Variants in SCHIP1 observed in about 807,000 individuals in gnomAD.
SCHIP1 encodes schwannomin-interacting protein 1.
A neutral mutation model predicts 29.7 loss-of-function variants in SCHIP1; 8 were observed. That is an observed-to-expected ratio of 0.27 (90% CI 0.16 to 0.49). SCHIP1 has a LOEUF of 0.49. SCHIP1 is among the 20% of genes least tolerant of loss of function. The probability of loss-of-function intolerance (pLI) is 0.99; values close to 1 mark genes in which losing one functional copy is unlikely to be tolerated. For synonymous variants in SCHIP1, 76 were observed against 94.9 expected, an observed-to-expected ratio of 0.80 and a Z score of 1.16; for missense variants, 193 against 294.6, an observed-to-expected ratio of 0.66 and a Z score of 2.52.
the SCHIP1 span, among the ~76,000 whole-genome samples, chr3:159,632,276 G>A: frequency 2.0e-5 from 3 of 152,136 alleles, no homozygotes; most frequent in African/African-American, 7.2e-5. Context: ...CCCCATGTAG[G>A]CCAAGACGTC....
At chr3:159,553,473 G>A in the SCHIP1 span, among the ~76,000 whole-genome samples, 2 of 152,146 alleles carry the variant, frequency 1.3e-5, no homozygotes, top group African/African-American at 4.8e-5. Flanking sequence ...TTGAATGTCT[G>A]CTCATTATTA....
intron 1 of SCHIP1, chr3:159,853,484 T>C (rs1369456489): frequency 2.9e-6 from 2 of 683,204 alleles, no homozygotes; most frequent in Non-Finnish European, 5.3e-6. Flanking sequence ...CTTTTGTTTA[T>C]AAACAATTGA....
At chr3:159,362,035 G>A in the SCHIP1 span, among the ~76,000 whole-genome samples, 1 of 152,142 alleles carries the variant, frequency 6.6e-6, no homozygotes, top group South Asian at 2.1e-4. Context: ...AGTTGGTGAA[G>A]TCATTTGACT....
the SCHIP1 span, among the ~76,000 whole-genome samples, chr3:159,522,248 A>G: frequency 6.6e-6 from 1 of 152,232 alleles, no homozygotes; most frequent in African/African-American, 2.4e-5. Flanking sequence ...ATAGAGTATA[A>G]ACACATACCT....
At chr3:159,296,445 G>A in the SCHIP1 span, among the ~76,000 whole-genome samples, 1 of 152,126 alleles carries the variant, frequency 6.6e-6, no homozygotes, top group African/African-American at 2.4e-5. Context: ...ACCATTTTGT[G>A]TATTTATATG....
the SCHIP1 span, among the ~76,000 whole-genome samples, chr3:159,496,002 G>A: frequency 5.3e-5 from 8 of 152,176 alleles, no homozygotes; most frequent in African/African-American, 1.9e-4. Flanking sequence ...AAGCAATGGG[G>A]AAAGCATTCC....
At chr3:159,680,722 A>ATATATAATATATATTATATATAATATATG in the SCHIP1 span, among the ~76,000 whole-genome samples, 21 of 5,988 alleles carry the variant, frequency 3.5e-3, no homozygotes, top group African/African-American at 6.2e-3. Flanking sequence ...TAATATATGT[A>ATATATAATATATATTATATATAATATATG]TATATATAAT....
At chr3:159,326,956 A>C in the SCHIP1 span, among the ~76,000 whole-genome samples, 1 of 152,154 alleles carries the variant, frequency 6.6e-6, no homozygotes. Context: ...GTGACTTTAC[A>C]AAATAAGAAA....
chr3:159,687,608 A>AT, the SCHIP1 span, among the ~76,000 whole-genome samples: 34 of 151,864 alleles, frequency 2.2e-4, no homozygotes, highest in Admixed American at 2.2e-3. Context: ...TTTTTTGTCT[A>AT]TTTTTTATAT....
the SCHIP1 span, among the ~76,000 whole-genome samples, chr3:159,560,355 T>C: frequency 6.6e-6 from 1 of 152,156 alleles, no homozygotes; most frequent in Non-Finnish European, 1.5e-5. Context: ...CCTAATGGCT[T>C]ACGAGAGTGA....
chr3:159,695,438 C>T, the SCHIP1 span, among the ~76,000 whole-genome samples: 6,764 of 152,208 alleles, frequency 0.044, 522 homozygotes, highest in African/African-American at 0.16. Context: ...ACTGTCACTC[C>T]AATCCTGCGT....
the SCHIP1 span, among the ~76,000 whole-genome samples, chr3:159,671,595 T>G: frequency 6.6e-6 from 1 of 152,176 alleles, no homozygotes; most frequent in African/African-American, 2.4e-5. Flanking sequence ...ATGGATCAGT[T>G]TATTATCAAG....
chr3:159,788,401 A>AG, the SCHIP1 span, among the ~76,000 whole-genome samples: 8 of 152,258 alleles, frequency 5.3e-5, no homozygotes, highest in Non-Finnish European at 1.2e-4. Flanking sequence ...ATAGAAACAA[A>AG]GCTGAAGAGT....
chr3:159,500,019 G>A, the SCHIP1 span, among the ~76,000 whole-genome samples: 1 of 152,018 alleles, frequency 6.6e-6, no homozygotes, highest in African/African-American at 2.4e-5. Context: ...CCCGGAGAAG[G>A]AAAGCGACTT....
At chr3:159,503,547 ATCTCCTTGG>A in the SCHIP1 span, among the ~76,000 whole-genome samples, 1 of 152,282 alleles carries the variant, frequency 6.6e-6, no homozygotes, top group Middle Eastern at 3.4e-3. Flanking sequence ...CCATGAGGGG[ATCTCCTTGG>A]TCTCCTGGAC....
chr3:159,706,380 C>T, the SCHIP1 span, among the ~76,000 whole-genome samples: 25 of 152,300 alleles, frequency 1.6e-4, no homozygotes, highest in Non-Finnish European at 5.9e-5. Context: ...AGGCACAGCA[C>T]AGGTACTTAG....
At chr3:159,332,865 A>G in the SCHIP1 span, among the ~76,000 whole-genome samples, 1 of 152,232 alleles carries the variant, frequency 6.6e-6, no homozygotes, top group African/African-American at 2.4e-5. Flanking sequence ...ATTACAAAGC[A>G]GTTAAGTAGA....
At chr3:159,798,484 G>T in the SCHIP1 span, among the ~76,000 whole-genome samples, 2 of 151,674 alleles carry the variant, frequency 1.3e-5, no homozygotes, top group South Asian at 2.1e-4. Context: ...AAGGCCAGGC[G>T]CAGTGGTTCA....
At chr3:159,459,409 C>G in the SCHIP1 span, among the ~76,000 whole-genome samples, 2 of 152,178 alleles carry the variant, frequency 1.3e-5, no homozygotes, top group Admixed American at 6.6e-5. Flanking sequence ...AGCCTTTATT[C>G]ATTTGACAAA....
Sources: gnomAD v4.1 joint callset for allele counts (sites outside exome capture counted in the v4.1 genomes callset) on GRCh38, gnomAD v4.1.1 for gene constraint, MANE v1.5 for transcripts, NCBI Gene and HGNC (gene_info 2026-07-23, HGNC 2026-07-21) for gene names.